CHL1: variants seen among roughly 807,000 people sequenced by gnomAD.
The protein encoded by CHL1 is neural cell adhesion molecule L1-like protein.
Under a neutral mutation model 141.9 loss-of-function variants are expected in CHL1, and 96 were observed. The observed-to-expected ratio is 0.68, with a 90% CI of 0.57 to 0.80. The LOEUF (loss-of-function observed/expected upper bound fraction) is 0.80. Among genes scored for constraint, CHL1 ranks in the 30% least tolerant of loss-of-function variants. The pLI, the probability that CHL1 is intolerant of heterozygous loss-of-function variation, is 0.00. For synonymous variants in CHL1, 613 were observed against 502.2 expected (o/e 1.22, Z -2.95); for missense variants, 1,820 against 1,457.2 (o/e 1.25, Z -4.05).
At chr3:331,403 T>C (rs1701429605) in intron 5 of CHL1, among the ~76,000 whole-genome samples, 1 of 152,040 alleles carries the variant, frequency 6.6e-6, no homozygotes, top group Admixed American at 6.6e-5. Flanking sequence ...TGGCCAATTT[T>C]TATTTTTATT....
rs111967035 is a variant in CHL1 at position 212,822 on chromosome 3, C to T, written c.-175+15759C>T. 2.3e-3 allele frequency among the ~76,000 whole-genome samples: 345 copies of T among 152,258 alleles called. 3 individuals are homozygous for T. The highest frequency in any genetic ancestry group is 8.0e-3 in the African/African-American group (333 of 41,520). ...CTGCTGTCTTTTCTTCTTAAAACAA[C>T]CAGCCATTCGACAGTCTCCAATTCT... On this transcript the variant is annotated intron_variant, in intron 1 of 27. Coordinates refer to ENST00000256509, the MANE Select transcript of CHL1 (RefSeq NM_006614.4).
rs1015776176 is a variant in CHL1, at chr3:407,052, T to C, written c.*1341T>C. 6.6e-6 allele frequency: 1 copy of C among 152,156 alleles called. No individual in the cohort carries two copies. Among genetic ancestry groups the C allele is most frequent in the Non-Finnish European group, 1.5e-5 (1 of 68,024 alleles). The allele number at this position is 152,156 out of a possible 1,614,324, so 9.4% of individuals were successfully genotyped here. On this transcript the variant is annotated 3_prime_UTR_variant, in exon 28 of 28. Transcript: ENST00000256509. The stretch of plus-strand genomic sequence containing the variant: ...AGTCAGAACAAATTCAGGGAATTTA[T>C]TTTCTGGCAGTTGTGCTCCAGTCCT...
At position 241,183 on chromosome 3, in the gene CHL1, G is replaced by C. The variant is rs977648775; in HGVS notation, c.-174-3430G>C. ...CTAGATGGAGTTTCAAATTACTTAT[G>C]ATTTGTTGTCAGTTCAGTGCATAAG... is the stretch of plus-strand genomic sequence containing the variant. On this transcript the variant is annotated intron_variant, in intron 1 of 27. Coordinates refer to ENST00000256509, the MANE Select transcript of CHL1 (RefSeq NM_006614.4). Among the ~76,000 whole-genome samples the C allele has an allele frequency of 6.1e-4, 93 of 152,098 alleles. 2 individuals are homozygous for C. The highest frequency in any genetic ancestry group is 1.5e-4 in the Non-Finnish European group (10 of 68,010).
At chr3:377,299 T>C (rs1052589974) in intron 15 of CHL1, among the ~76,000 whole-genome samples, 1 of 152,224 alleles carries the variant, frequency 6.6e-6, no homozygotes, top group African/African-American at 2.4e-5. Flanking sequence ...TATCTGATCT[T>C]AATGTGCATT....
intron 5 of CHL1, among the ~76,000 whole-genome samples, chr3:332,949 A>C (rs1701555192): frequency 6.6e-6 from 1 of 151,898 alleles, no homozygotes. Context: ...GGAGCGGCAG[A>C]ATTTGGTTTA....
At chr3:235,690 C>A (rs1490758570) in intron 1 of CHL1, among the ~76,000 whole-genome samples, 1 of 152,094 alleles carries the variant, frequency 6.6e-6, no homozygotes, top group African/African-American at 2.4e-5. Context: ...GGGAGGCCAT[C>A]TCTATTTGCA....
At chr3:255,278 G>A (rs1288040150) in intron 2 of CHL1, among the ~76,000 whole-genome samples, 1 of 152,158 alleles carries the variant, frequency 6.6e-6, no homozygotes, top group Non-Finnish European at 1.5e-5. Context: ...CTTATTCACT[G>A]AAATGACTGG....
chr3:334,203 AT>A (rs1053687635), intron 5 of CHL1, among the ~76,000 whole-genome samples: 7 of 152,178 alleles, frequency 4.6e-5, no homozygotes, highest in Admixed American at 2.0e-4. Context: ...TTTATACATT[AT>A]TTATTTATTT....
rs146503067 is a variant in CHL1, at chr3:382,440, C to T, written c.1979-34C>T. ...TGGTATAACTTATCCATACTCCATA[C>T]ATTCTAATATTTTTTCCCTGTTTAT... On this transcript the variant is annotated intron_variant, in intron 17 of 27. Coordinates refer to ENST00000256509, the MANE Select transcript of CHL1 (RefSeq NM_006614.4). The T allele has an allele frequency of 2.1e-4, 321 of 1,562,732 alleles. No individual in the cohort carries two copies. The African/African-American group carries it at 3.8e-3, about 19-fold the overall frequency.
rs2106450940 is a variant in CHL1, at chr3:407,758, A to C, written c.*2047A>C. On this transcript the variant is annotated 3_prime_UTR_variant, in exon 28 of 28. Transcript: ENST00000256509. ...AAAGAGAGTCATGCAGGTTAGAAAT[A>C]ATGTCAAAAATATTTAGGAATTTAA... 1 of 152,284 alleles carries C rather than the reference A, an allele frequency of 6.6e-6. No individual in the cohort carries two copies. The highest frequency in any genetic ancestry group is 1.9e-4 in the East Asian group (1 of 5,176). The allele number at this position is 152,284 out of a possible 1,614,324, so 9.4% of individuals were successfully genotyped here.
At chr3:345,441 C>CATTTATTTATTT (rs530553795) in intron 9 of CHL1, among the ~76,000 whole-genome samples, 8 of 115,162 alleles carry the variant, frequency 6.9e-5, no homozygotes, top group African/African-American at 2.5e-4. Flanking sequence ...AAAAGCAATC[C>CATTTATTTATTT]ATTTATTTAT....
chr3:254,522 A>C (rs1693983164), intron 2 of CHL1, among the ~76,000 whole-genome samples: 1 of 152,134 alleles, frequency 6.6e-6, no homozygotes, highest in Non-Finnish European at 1.5e-5. Flanking sequence ...GCTTGTGATG[A>C]GATGATTGTC....
chr3:238,356 A>C (rs879589580), intron 1 of CHL1, among the ~76,000 whole-genome samples: 1 of 152,174 alleles, frequency 6.6e-6, no homozygotes, highest in Non-Finnish European at 1.5e-5. Flanking sequence ...TAGCAATTTA[A>C]AAAATCACTC....
intron 1 of CHL1, among the ~76,000 whole-genome samples, chr3:214,754 C>G (rs892880890): frequency 1.3e-5 from 2 of 152,038 alleles, no homozygotes; most frequent in Non-Finnish European, 2.9e-5. Context: ...GAAGATATAA[C>G]TTATTAAAAG....
chr3:200,677 A>G (rs1698842966), intron 1 of CHL1, among the ~76,000 whole-genome samples: 1 of 152,194 alleles, frequency 6.6e-6, no homozygotes. Context: ...AGATTACATT[A>G]TTCGCTATCA....
intron 2 of CHL1, among the ~76,000 whole-genome samples, chr3:300,308 C>A (rs73815866): frequency 0.04 from 6,013 of 152,070 alleles, 377 homozygotes; most frequent in African/African-American, 0.14. Context: ...TTTGTGGGGG[C>A]TGAATGCTAA....
chr3:345,160 G>A (rs1702658090), intron 9 of CHL1, among the ~76,000 whole-genome samples: 3 of 152,122 alleles, frequency 2.0e-5, no homozygotes, highest in Admixed American at 1.3e-4. Context: ...AGGGGATGAT[G>A]ATAACATTCT....
intron 1 of CHL1, among the ~76,000 whole-genome samples, chr3:223,946 C>G (rs1302261903): frequency 6.6e-6 from 1 of 152,126 alleles, no homozygotes. Flanking sequence ...CTGGTGGAGT[C>G]AGCTGGCCTG....
rs1213997253 is a variant in CHL1, at chr3:297,702, C to G, written c.-94-21981C>G. On this transcript the variant is annotated intron_variant, in intron 2 of 27. Transcript: ENST00000256509. Reference sequence around the variant, plus strand: ...TTCAAATACCATTTGGCTGCTACTTCTCTCTGGGTTTGCTTTGTATCCCAT... The same window carrying G: ...TTCAAATACCATTTGGCTGCTACTTGTCTCTGGGTTTGCTTTGTATCCCAT... 2.0e-5 allele frequency among the ~76,000 whole-genome samples: 3 copies of G among 152,216 alleles called. No individual in the cohort carries two copies. In the East Asian group the frequency reaches 5.8e-4, roughly 29 times the overall value.
Sources: allele counts gnomAD v4.1 joint callset (sites outside exome capture counted in the v4.1 genomes callset), GRCh38; gene constraint gnomAD v4.1.1; transcripts MANE v1.5; gene names NCBI Gene and HGNC (gene_info 2026-07-23, HGNC 2026-07-21).